The following TENT2 variants were observed in gnomAD, a reference collection of about 807,000 sequenced individuals.
TENT2 encodes the protein poly(A) RNA polymerase GLD2.
In TENT2, 44 loss-of-function variants were observed where a neutral mutation model predicts 72.2. The ratio of observed to expected loss-of-function variants is 0.61; its 90% CI spans 0.48 to 0.78. The LOEUF is 0.78. Ranked by LOEUF, TENT2 falls within the 30% of genes least tolerant of loss-of-function variation. TENT2 has a pLI of 0.00. For missense variants in TENT2, 541 were observed against 569.6 expected (o/e 0.95, Z 0.51); for synonymous variants, 212 against 192.5 (o/e 1.10, Z -0.84).
In TENT2 at chr5:79,614,952, G is replaced by A. The variant is rs534433283; in HGVS notation, c.-38+1877G>A. 5.3e-5 allele frequency: 8 copies of A among 152,250 alleles called. No homozygotes were observed. In the South Asian group the frequency reaches 1.7e-3, roughly 32 times the overall value. The allele number at this position is 152,250 out of a possible 1,614,324, so 9.4% of individuals were successfully genotyped here. ...TGTCTTTCAGAATACCTATATTGGT[G>A]AGCATAGAACGAATGCGTCGGAATG... On this transcript the variant is annotated intron_variant, in intron 1 of 14. Transcript: ENST00000453514.
chr5:79,638,931 G>A (rs1022125458), intron 4 of TENT2, among the ~76,000 whole-genome samples: 5 of 152,090 alleles, frequency 3.3e-5, no homozygotes, highest in African/African-American at 1.2e-4. Context: ...TTAAAATGAG[G>A]ATTCTAAATA....
intron 8 of TENT2, among the ~76,000 whole-genome samples, chr5:79,647,582 T>C (rs1180015719): frequency 6.6e-6 from 1 of 152,192 alleles, no homozygotes; most frequent in Non-Finnish European, 1.5e-5. Flanking sequence ...AATGGAAAGA[T>C]TGTAAGATTT....
At chr5:79,672,549 C>A (rs12109747) in intron 12 of TENT2, among the ~76,000 whole-genome samples, 18,479 of 152,170 alleles carry the variant, frequency 0.12, 1,723 homozygotes, top group African/African-American at 0.26. Context: ...CCACAGATAA[C>A]TGAGAACATG....
chr5:79,623,763 G>T, intron 4 of TENT2: 7 of 242,112 alleles, frequency 2.9e-5, no homozygotes, highest in East Asian at 8.2e-5. Flanking sequence ...GAACTGTCTT[G>T]TTACTTGTTT....
At chr5:79,685,104 C>T in intron 14 of TENT2, 95 bp from the exon 15 acceptor site, 7 of 980,500 alleles carry the variant, frequency 7.1e-6, no homozygotes, top group Non-Finnish European at 3.1e-6. Flanking sequence ...AATTTATCAC[C>T]TAGAGAGAAC....
At chr5:79,620,367 C>T (rs1310606480) in intron 3 of TENT2, among the ~76,000 whole-genome samples, 1 of 152,132 alleles carries the variant, frequency 6.6e-6, no homozygotes, top group Non-Finnish European at 1.5e-5. Context: ...AAGCTGTTTC[C>T]TCAGAAAACC....
intron 11 of TENT2, among the ~76,000 whole-genome samples, chr5:79,666,375 CTT>C (rs777248484): frequency 4.8e-4 from 67 of 139,374 alleles, no homozygotes; most frequent in Admixed American, 3.6e-4. Flanking sequence ...TCTTTTCTTT[CTT>C]TTTTTTTTTT....
At chr5:79,618,340 C>G (rs1762077985) in intron 1 of TENT2, among the ~76,000 whole-genome samples, 1 of 152,098 alleles carries the variant, frequency 6.6e-6, no homozygotes. Context: ...AATCCTCCCA[C>G]CTCAGCCTCC....
At chr5:79,672,238 G>T (rs1180798926) in intron 12 of TENT2, among the ~76,000 whole-genome samples, 1 of 152,034 alleles carries the variant, frequency 6.6e-6, no homozygotes, top group Non-Finnish European at 1.5e-5. Context: ...TTTTGATATA[G>T]GCATACAGTG....
chr5:79,641,060 A>G, intron 5 of TENT2, 45 bp from the exon 6 acceptor site: 7 of 1,509,104 alleles, frequency 4.6e-6, no homozygotes, highest in Non-Finnish European at 6.2e-6. Context: ...CCATGCACCT[A>G]CTTTAGATTT....
At chr5:79,631,449 A>G (rs187470389) in intron 4 of TENT2, among the ~76,000 whole-genome samples, 11 of 152,328 alleles carry the variant, frequency 7.2e-5, no homozygotes, top group Non-Finnish European at 1.5e-5. Context: ...ATAGTTGAAT[A>G]TACTGTGTAT....
intron 13 of TENT2, among the ~76,000 whole-genome samples, chr5:79,679,951 A>G (rs745508734): frequency 1.3e-5 from 2 of 152,184 alleles, no homozygotes; most frequent in Non-Finnish European, 2.9e-5. Flanking sequence ...TACAGATGGA[A>G]GAAAATAGAA....
intron 11 of TENT2, among the ~76,000 whole-genome samples, chr5:79,658,484 C>T (rs1281015315): frequency 6.6e-6 from 1 of 151,994 alleles, no homozygotes; most frequent in Non-Finnish European, 1.5e-5. Flanking sequence ...AGCCACTACA[C>T]CCAGCCTGTT....
chr5:79,620,171 C>G (rs1580176171), intron 3 of TENT2, 88 bp downstream of exon 3: 3 of 833,264 alleles, frequency 3.6e-6, no homozygotes, highest in Non-Finnish European at 5.7e-6. Flanking sequence ...TTGTATGGAC[C>G]CTAAGCCCTA....
intron 14 of TENT2, 25 bp downstream of exon 14, chr5:79,682,086 T>G (rs1822413465): frequency 6.5e-7 from 1 of 1,532,260 alleles, no homozygotes. Flanking sequence ...AGATCAACCC[T>G]AGAAACATTA....
At chr5:79,634,359 T>TG (rs1370383208) in intron 4 of TENT2, among the ~76,000 whole-genome samples, 1 of 151,996 alleles carries the variant, frequency 6.6e-6, no homozygotes, top group Admixed American at 6.6e-5. Context: ...TTTTTTGAGA[T>TG]GGAGTCTTGC....
chr5:79,627,000 G>A (rs938647269), intron 4 of TENT2, among the ~76,000 whole-genome samples: 3 of 151,888 alleles, frequency 2.0e-5, no homozygotes, highest in African/African-American at 7.3e-5. Context: ...CGTGGTGGCA[G>A]GCGCCTATAG....
intron 4 of TENT2, among the ~76,000 whole-genome samples, chr5:79,640,624 A>G (rs1452097244): frequency 6.6e-6 from 1 of 152,256 alleles, no homozygotes; most frequent in East Asian, 1.9e-4. Flanking sequence ...CTGTGACTGT[A>G]CTTTTCTGTG....
At chr5:79,613,309 T>C (rs1367246902) in intron 1 of TENT2, among the ~76,000 whole-genome samples, 2 of 152,192 alleles carry the variant, frequency 1.3e-5, no homozygotes, top group Non-Finnish European at 2.9e-5. Flanking sequence ...ACTTGTCTTA[T>C]CTCTTTCAAC....
Sources: gnomAD v4.1 joint callset for allele counts (sites outside exome capture counted in the v4.1 genomes callset) on GRCh38, gnomAD v4.1.1 for gene constraint, MANE v1.5 for transcripts, NCBI Gene and HGNC (gene_info 2026-07-23, HGNC 2026-07-21) for gene names.